TNS1: variants seen among roughly 807,000 people sequenced by gnomAD.
TNS1 encodes tensin 1.
TNS1 carries 62 observed loss-of-function variants against 168.6 expected under a neutral mutation model. The observed-to-expected ratio is 0.37, with a 90% CI of 0.30 to 0.45. TNS1 has a LOEUF of 0.45. Ranked by LOEUF, TNS1 falls within the 20% of genes least tolerant of loss-of-function variation. The pLI is 1.00. For missense variants in TNS1, 2,240 were observed against 2,339.4 expected (o/e 0.96, Z 0.88); for synonymous variants, 934 against 933.2 (o/e 1.00, Z -0.02).
intron 18 of TNS1, among the ~76,000 whole-genome samples, chr2:217,853,585 G>C (rs941008571): frequency 6.6e-6 from 1 of 152,140 alleles, no homozygotes; most frequent in Non-Finnish European, 1.5e-5. Flanking sequence ...GAAAGGTCCA[G>C]TGTCCTGCCC....
At chr2:217,858,552 G>C (rs1443695300) in intron 18 of TNS1, 6 of 986,148 alleles carry the variant, frequency 6.1e-6, no homozygotes, top group Non-Finnish European at 7.2e-6. Flanking sequence ...ATTTGATCCT[G>C]GTGCCCCAAG....
At position 217,829,996 on chromosome 2, in the gene TNS1, AT is replaced by A. The variant is rs1380948143; in HGVS notation, c.3373+1458del. 3 of 1,506,684 alleles carry A rather than the reference AT, an allele frequency of 2.0e-6. No individual in the cohort carries two copies. The African/African-American group carries it at 4.2e-5, about 21-fold the overall frequency. 93.3% of individuals were successfully genotyped at this position (1,506,684 alleles called of 1,614,324 possible). On this transcript the variant is annotated intron_variant, in intron 22 of 32. Transcript: ENST00000682258. Reference sequence around the variant, plus strand: ...AGAGAGAAAGAGATTAACAGGGATTATTTCTTGAGAAAGAGAATCTGTGGAG... The same window carrying A: ...AGAGAGAAAGAGATTAACAGGGATTATTCTTGAGAAAGAGAATCTGTGGAG...
At chr2:217,806,697 C>T (rs139153172) in intron 32 of TNS1, among the ~76,000 whole-genome samples, 1 of 152,348 alleles carries the variant, frequency 6.6e-6, no homozygotes, top group Non-Finnish European at 1.5e-5. Flanking sequence ...CCCACATGGC[C>T]TCTCCTAAGC....
chr2:217,891,817 T>C (rs992719135), intron 11 of TNS1, among the ~76,000 whole-genome samples: 1 of 152,172 alleles, frequency 6.6e-6, no homozygotes, highest in Non-Finnish European at 1.5e-5. Context: ...CTTCTCTCAG[T>C]GTGCAGGGCA....
At chr2:217,949,785 T>C (rs749051660) in intron 3 of TNS1, among the ~76,000 whole-genome samples, 8 of 152,040 alleles carry the variant, frequency 5.3e-5, no homozygotes, top group Non-Finnish European at 8.8e-5. Context: ...AAAGCTAAGA[T>C]GCTGAAGTGA....
intron 3 of TNS1, among the ~76,000 whole-genome samples, chr2:217,967,637 C>A (rs189186903): frequency 6.6e-6 from 1 of 152,056 alleles, no homozygotes; most frequent in Non-Finnish European, 1.5e-5. Flanking sequence ...TCTGAATAGA[C>A]CTATAATAAA....
intron 19 of TNS1, among the ~76,000 whole-genome samples, chr2:217,838,365 G>A (rs1390160317): frequency 6.6e-6 from 1 of 152,236 alleles, no homozygotes; most frequent in Non-Finnish European, 1.5e-5. Flanking sequence ...GGGGTGCAGG[G>A]GGCACCTGAC....
At chr2:217,879,901 G>A (rs1353776502) in intron 18 of TNS1, among the ~76,000 whole-genome samples, 1 of 152,210 alleles carries the variant, frequency 6.6e-6, no homozygotes, top group Non-Finnish European at 1.5e-5. Flanking sequence ...TCAGCTGGGA[G>A]GAGAAGCCAG....
chr2:217,925,514 G>A (rs975283050), intron 3 of TNS1, among the ~76,000 whole-genome samples: 1 of 152,180 alleles, frequency 6.6e-6, no homozygotes, highest in Non-Finnish European at 1.5e-5. Context: ...CCTGGGACTG[G>A]AGAGGACAGC....
chr2:217,891,483 G>A (rs900855544), intron 11 of TNS1, among the ~76,000 whole-genome samples: 5 of 152,196 alleles, frequency 3.3e-5, no homozygotes, highest in African/African-American at 7.2e-5. Context: ...GTACAGGAGT[G>A]CAGTAAAGGT....
chr2:217,976,870 G>A (rs1957909784), intron 3 of TNS1, among the ~76,000 whole-genome samples: 1 of 152,228 alleles, frequency 6.6e-6, no homozygotes, highest in Non-Finnish European at 1.5e-5. Context: ...GGCAAGGATG[G>A]AGAAATGCAT....
At chr2:217,972,183 G>A (rs1480938837) in intron 3 of TNS1, among the ~76,000 whole-genome samples, 2 of 152,214 alleles carry the variant, frequency 1.3e-5, no homozygotes, top group Non-Finnish European at 2.9e-5. Flanking sequence ...CCATGTTACA[G>A]ATGAAGAAGC....
At chr2:218,005,815 G>A (rs1326690706), upstream of TNS1, among the ~76,000 whole-genome samples, 3 of 152,146 alleles carry the variant, frequency 2.0e-5, no homozygotes, top group African/African-American at 7.2e-5. Flanking sequence ...AGGGCCTCAG[G>A]CAGCCCTGCC....
intron 3 of TNS1, among the ~76,000 whole-genome samples, chr2:217,975,572 G>A (rs1957874321): frequency 6.6e-6 from 1 of 152,100 alleles, no homozygotes; most frequent in Admixed American, 6.6e-5. Flanking sequence ...CCAAGTGCAT[G>A]GGGGGACTGT....
In TNS1 at chr2:217,817,797, T is replaced by C. The variant is rs1367647958; in HGVS notation, c.4535A>G (p.Asn1512Ser). ...AGSLPNYATINGKVSSPVASG... is the reference protein window; with the variant it reads ...AGSLPNYATISGKVSSPVASG... ...GGCGACAGGCGAAGACACCTTCCCA[T>C]TGATGGTGGCATAGTTGGGGAGGCT... Residue 1512 changes from asparagine to serine, a missense_variant, in exon 24 of 33, where the codon AAT (asparagine) becomes AGT (serine). Around this residue, in one of 2 missense-constraint regions of TNS1, gnomAD observed 2,131 missense variants for 2,171.2 expected, o/e 0.98. Transcript: ENST00000682258. 4 of 1,614,058 alleles carry C rather than the reference T, an allele frequency of 2.5e-6. No homozygotes were observed. Among genetic ancestry groups the C allele is most frequent in the Admixed American group, 3.3e-5 (2 of 60,010 alleles).
At chr2:217,884,196 T>C (rs1428905446) in intron 16 of TNS1, among the ~76,000 whole-genome samples, 1 of 151,798 alleles carries the variant, frequency 6.6e-6, no homozygotes, top group Non-Finnish European at 1.5e-5. Flanking sequence ...GGTGGGCAGA[T>C]GAATGAATAT....
intron 1 of TNS1, among the ~76,000 whole-genome samples, chr2:218,031,032 GTA>G (rs1431581526): frequency 6.6e-6 from 1 of 151,568 alleles, no homozygotes. Context: ...GTATGTGTGT[GTA>G]TGTGAGTGAG....
chr2:217,809,371 G>A (rs1336858179), intron 30 of TNS1, among the ~76,000 whole-genome samples: 1 of 104,742 alleles, frequency 9.5e-6, no homozygotes, highest in Non-Finnish European at 2.1e-5. Context: ...ATGGATGGAT[G>A]GATGCATGGA....
At position 217,959,783 on chromosome 2, in the gene TNS1, C is replaced by T. The variant is rs1056747371; in HGVS notation, c.186+18982G>A. ...GGGAAGCAGCTGGGTGGGCATTAGC[C>T]GGAGGACACAGAGGCAGCTGGACGC... On this transcript the variant is annotated intron_variant, in intron 3 of 32. Coordinates refer to ENST00000682258, the MANE Select transcript of TNS1 (RefSeq NM_001387777.1). Among the ~76,000 whole-genome samples, 7 of 147,816 alleles carry T rather than the reference C, an allele frequency of 4.7e-5. No homozygotes were observed. The East Asian group carries it at 8.4e-4, about 18-fold the overall frequency.
Sources: allele counts gnomAD v4.1 joint callset (sites outside exome capture counted in the v4.1 genomes callset), GRCh38; gene constraint gnomAD v4.1.1; regional missense constraint gnomAD v4.1.1; transcripts MANE v1.5; gene names NCBI Gene and HGNC (gene_info 2026-07-23, HGNC 2026-07-21).